The following ANK2 variants were observed in gnomAD, a reference collection of about 807,000 sequenced individuals.
ANK2 encodes the protein ankyrin 2, also known as ankyrin-2.
ANK2 carries 83 observed loss-of-function variants against 360.5 expected under a neutral mutation model. That is an observed-to-expected ratio of 0.23 (90% CI 0.19 to 0.28). The LOEUF is 0.28. Ranked by LOEUF, ANK2 falls within the 10% of genes least tolerant of loss-of-function variation. The probability of loss-of-function intolerance (pLI) is 1.00; values close to 1 mark genes in which losing one functional copy is unlikely to be tolerated. For missense variants in ANK2, 4,201 were observed against 4,795.7 expected (o/e 0.88, Z 3.66); for synonymous variants, 1,740 against 1,759.5 (o/e 0.99, Z 0.28).
intron 17 of ANK2, 141 bp from the exon 18 acceptor site, chr4:113,282,534 G>A: frequency 2.4e-6 from 2 of 821,200 alleles, no homozygotes; most frequent in East Asian, 5.3e-5. Context: ...ATGGAAACGT[G>A]ATGAGTAAGA....
intron 24 of ANK2, among the ~76,000 whole-genome samples, chr4:113,313,476 CA>C (rs1316994411): frequency 6.6e-6 from 1 of 152,154 alleles, no homozygotes; most frequent in African/African-American, 2.4e-5. Context: ...ATGAAACAAA[CA>C]AGACATACTG....
At chr4:112,775,355 C>T in the ANK2 span, among the ~76,000 whole-genome samples, 5 of 151,968 alleles carry the variant, frequency 3.3e-5, no homozygotes, top group African/African-American at 1.2e-4. Context: ...CCTGCCTCTA[C>T]TAAAAATACA....
chr4:112,917,534 A>C (rs956377870), intron 2 of ANK2, among the ~76,000 whole-genome samples: 3 of 152,248 alleles, frequency 2.0e-5, no homozygotes, highest in Non-Finnish European at 4.4e-5. Context: ...CATGTGTTAC[A>C]TGTTGAAAGT....
chr4:113,267,549 C>G (rs1209990798), intron 14 of ANK2, among the ~76,000 whole-genome samples: 1 of 152,166 alleles, frequency 6.6e-6, no homozygotes, highest in Non-Finnish European at 1.5e-5. Context: ...TGTCAAAGAT[C>G]AGATGGTTGT....
rs182395938 is a variant in ANK2 at position 113,134,122 on chromosome 4, A to T, written c.85-40294A>T. Among the ~76,000 whole-genome samples the T allele has an allele frequency of 1.6e-3, 244 of 152,178 alleles. 1 individual carries two copies. The highest frequency in any genetic ancestry group is 2.8e-3 in the Non-Finnish European group (192 of 67,974). Reference sequence around the variant, plus strand: ...ACCTCCAATGATCAAAATAGCATCAAGGCCGATTTCTAAGTCTTGGATGTC... The same window carrying T: ...ACCTCCAATGATCAAAATAGCATCATGGCCGATTTCTAAGTCTTGGATGTC... On this transcript the variant is annotated intron_variant, in intron 1 of 45. Transcript: ENST00000357077.
intron 1 of ANK2, among the ~76,000 whole-genome samples, chr4:113,063,874 T>TA (rs987629624): frequency 1.3e-5 from 2 of 151,968 alleles, no homozygotes; most frequent in African/African-American, 2.4e-5. Flanking sequence ...TAGATTGCAA[T>TA]AAAAAAAACC....
chr4:112,765,941 T>C, the ANK2 span, among the ~76,000 whole-genome samples: 8 of 152,184 alleles, frequency 5.3e-5, no homozygotes, highest in Non-Finnish European at 1.0e-4. Flanking sequence ...AAAATGCTAA[T>C]AGTGCCTAGG....
intron 1 of ANK2, chr4:113,151,267 C>A: frequency 1.6e-6 from 1 of 607,826 alleles, no homozygotes; most frequent in Non-Finnish European, 2.4e-6. Context: ...ATTTGTGTAG[C>A]TACAAAAGAA....
intron 23 of ANK2, among the ~76,000 whole-genome samples, chr4:113,306,480 G>T (rs1162554445): frequency 1.3e-5 from 2 of 152,158 alleles, no homozygotes; most frequent in Non-Finnish European, 2.9e-5. Flanking sequence ...ATACCTTAAA[G>T]ATTTCAATTA....
At chr4:113,322,684 A>G (rs2086953222) in intron 26 of ANK2, among the ~76,000 whole-genome samples, 1 of 152,198 alleles carries the variant, frequency 6.6e-6, no homozygotes, top group Non-Finnish European at 1.5e-5. Context: ...GTTGTCTTTT[A>G]AAGAACTTCT....
At position 113,381,649 on chromosome 4, in the gene ANK2, C is replaced by G; in HGVS notation, c.*178C>G. On this transcript the variant is annotated 3_prime_UTR_variant, in exon 46 of 46. Coordinates refer to ENST00000357077, the MANE Select transcript of ANK2 (RefSeq NM_001148.6). ...AGCAAGAGGCCAAGTGAGGGGCTGC[C>G]CAGTTCTCACACCAGAAACCACACA... 1 of 1,544,056 alleles carries G rather than the reference C, an allele frequency of 6.5e-7. No individual in the cohort carries two copies. The highest frequency in any genetic ancestry group is 8.7e-7 in the Non-Finnish European group (1 of 1,146,670).
intron 2 of ANK2, among the ~76,000 whole-genome samples, chr4:112,939,089 C>A (rs2093992489): frequency 6.6e-6 from 1 of 152,118 alleles, no homozygotes; most frequent in African/African-American, 2.4e-5. Context: ...TGTACCCTAG[C>A]TACTATTGTA....
At chr4:113,336,410 G>T in intron 30 of ANK2, 167 bp from the exon 31 acceptor site, 1 of 693,326 alleles carries the variant, frequency 1.4e-6, no homozygotes, top group East Asian at 2.7e-5. Context: ...TTTTATGAGT[G>T]CTTAGTAATA....
intron 17 of ANK2, among the ~76,000 whole-genome samples, chr4:113,279,165 A>G (rs183022424): frequency 2.0e-5 from 3 of 152,316 alleles, no homozygotes; most frequent in South Asian, 2.1e-4. Context: ...CTGAAAATAT[A>G]TATGAATGTC....
At position 113,147,183 on chromosome 4, in the gene ANK2, G is replaced by A. The variant is rs1395519363; in HGVS notation, c.85-27233G>A. Among the ~76,000 whole-genome samples the A allele has an allele frequency of 4.6e-5, 7 of 152,146 alleles. 1 individual carries two copies. The highest frequency in any genetic ancestry group is 1.3e-4 in the Admixed American group (2 of 15,278). On this transcript the variant is annotated intron_variant, in intron 1 of 45. Coordinates refer to ENST00000357077, the MANE Select transcript of ANK2 (RefSeq NM_001148.6). ...TAGTCAAAAACGAAGAAAAAAAAAG[G>A]TGGGGAGGGAGGCCGTCCCAGGGAA...
chr4:113,204,087 A>T (rs993049970), intron 4 of ANK2, among the ~76,000 whole-genome samples: 1 of 152,142 alleles, frequency 6.6e-6, no homozygotes. Context: ...TCCACAAAAA[A>T]AATATAATTT....
chr4:112,931,798 G>A (rs1450869977), intron 2 of ANK2, among the ~76,000 whole-genome samples: 2 of 152,092 alleles, frequency 1.3e-5, no homozygotes, highest in African/African-American at 2.4e-5. Context: ...CAATCCAGAT[G>A]TCTCTAACTA....
the ANK2 span, among the ~76,000 whole-genome samples, chr4:112,754,275 TC>T: frequency 1.3e-5 from 2 of 151,096 alleles, no homozygotes. Flanking sequence ...TAGTAATTAG[TC>T]CCTAGTTAAC....
At chr4:113,264,420 A>G (rs951549115) in intron 13 of ANK2, among the ~76,000 whole-genome samples, 4 of 152,222 alleles carry the variant, frequency 2.6e-5, no homozygotes, top group Admixed American at 1.3e-4. Flanking sequence ...ACCAAAATCA[A>G]TTTAAAGGGA....
Sources: allele counts gnomAD v4.1 joint callset (sites outside exome capture counted in the v4.1 genomes callset), GRCh38; gene constraint gnomAD v4.1.1; transcripts MANE v1.5; gene names NCBI Gene and HGNC (gene_info 2026-07-23, HGNC 2026-07-21).